ABR: variants seen among roughly 807,000 people sequenced by gnomAD.
The protein encoded by ABR is active breakpoint cluster region-related protein.
ABR carries 35 observed loss-of-function variants against 107.2 expected under a neutral mutation model. The observed-to-expected ratio is 0.33, with a 90% CI of 0.25 to 0.43. The LOEUF (loss-of-function observed/expected upper bound fraction) is 0.43. ABR is among the 20% of genes least tolerant of loss of function. The probability of loss-of-function intolerance (pLI) is 1.00; values close to 1 mark genes in which losing one functional copy is unlikely to be tolerated. For synonymous variants in ABR, 498 were observed against 462.0 expected (o/e 1.08, Z -1.00); for missense variants, 815 against 1,115.2 (o/e 0.73, Z 3.83).
chr17:1,164,656 G>T (rs967051787), intron 1 of ABR, among the ~76,000 whole-genome samples: 4 of 152,192 alleles, frequency 2.6e-5, no homozygotes, highest in South Asian at 4.1e-4. Context: ...CCTAAGTTTT[G>T]TATGGGATAT....
intron 1 of ABR, among the ~76,000 whole-genome samples, chr17:1,226,674 A>G (rs1209070915): frequency 1.4e-5 from 2 of 144,566 alleles, no homozygotes; most frequent in Admixed American, 6.9e-5. Flanking sequence ...ATGTGACAGT[A>G]TGCCATGTGT....
At chr17:1,190,996 G>A (rs1014963939), upstream of ABR, among the ~76,000 whole-genome samples, 4 of 152,344 alleles carry the variant, frequency 2.6e-5, no homozygotes, top group Non-Finnish European at 4.4e-5. Context: ...GACAGACAGG[G>A]CTTGGGCACG....
chr17:1,205,859 C>G (rs1387357602), intron 1 of ABR, among the ~76,000 whole-genome samples: 1 of 152,076 alleles, frequency 6.6e-6, no homozygotes, highest in Non-Finnish European at 1.5e-5. Context: ...AGGAGAATCA[C>G]TTGAACCAGG....
Position 1,083,637 on chromosome 17 carries a change from G to A in ABR, c.532-10C>T. The A allele has an allele frequency of 6.2e-7, 1 of 1,609,106 alleles. No individual in the cohort carries two copies. The highest frequency in any genetic ancestry group is 8.5e-7 in the Non-Finnish European group (1 of 1,175,586). On this transcript the variant is annotated splice_polypyrimidine_tract_variant and intron_variant, in intron 4 of 22. Transcript: ENST00000302538. ...CACCGAGCTGGCTGGCCTGCAGGGAGGAGTCAGGGAACAGAGGGAGAGGAG... is the reference window on the plus strand; with the variant it reads ...CACCGAGCTGGCTGGCCTGCAGGGAAGAGTCAGGGAACAGAGGGAGAGGAG...
At chr17:1,083,853 T>A in intron 4 of ABR, 1 of 509,922 alleles carries the variant, frequency 2.0e-6, no homozygotes, top group Non-Finnish European at 3.6e-6. Context: ...TGAGGGGGTC[T>A]GGGGTTGGGG....
intron 16 of ABR, among the ~76,000 whole-genome samples, chr17:1,044,037 G>A (rs1410574503): frequency 2.0e-5 from 3 of 152,246 alleles, no homozygotes; most frequent in Non-Finnish European, 4.4e-5. Flanking sequence ...CTCAGGCCCA[G>A]CCCGCCAAGA....
chr17:1,183,924 G>A (rs555762515), upstream of ABR, among the ~76,000 whole-genome samples: 5 of 152,258 alleles, frequency 3.3e-5, no homozygotes, highest in South Asian at 8.3e-4. Context: ...TTAAAAGCTG[G>A]GACTGGCCAG....
chr17:1,098,784 G>A (rs182814768), intron 3 of ABR, among the ~76,000 whole-genome samples: 25 of 152,268 alleles, frequency 1.6e-4, no homozygotes, highest in South Asian at 8.3e-4. Flanking sequence ...TCAGCCTGGC[G>A]TGTGGCAAAA....
At chr17:1,195,828 G>A (rs1283669400) in intron 1 of ABR, among the ~76,000 whole-genome samples, 5 of 146,788 alleles carry the variant, frequency 3.4e-5, no homozygotes, top group Non-Finnish European at 7.4e-5. Context: ...ATTGGCCGGC[G>A]CGGTGGCTCA....
intron 1 of ABR, among the ~76,000 whole-genome samples, chr17:1,147,561 A>G (rs1052447396): frequency 6.6e-6 from 1 of 151,998 alleles, no homozygotes; most frequent in Non-Finnish European, 1.5e-5. Flanking sequence ...GGATTTCCCA[A>G]TGTTGGCCAG....
intron 9 of ABR, among the ~76,000 whole-genome samples, chr17:1,067,726 G>A (rs1418278344): frequency 6.6e-6 from 1 of 152,184 alleles, no homozygotes; most frequent in Non-Finnish European, 1.5e-5. Context: ...CCACATCCAA[G>A]TCTAGCAAGA....
chr17:1,018,196 C>G (rs1040581571), intron 16 of ABR, among the ~76,000 whole-genome samples: 1 of 152,162 alleles, frequency 6.6e-6, no homozygotes. Flanking sequence ...GCGCCCGCCA[C>G]CACCCCCGGC....
intron 2 of ABR, among the ~76,000 whole-genome samples, chr17:1,123,499 G>A (rs2039443810): frequency 6.6e-6 from 1 of 152,208 alleles, no homozygotes; most frequent in Non-Finnish European, 1.5e-5. Flanking sequence ...GCACCTGCCA[G>A]CACCAAAGGA....
At chr17:1,208,534 C>T (rs182719328) in intron 1 of ABR, among the ~76,000 whole-genome samples, 10 of 152,308 alleles carry the variant, frequency 6.6e-5, no homozygotes, top group East Asian at 3.9e-4. Context: ...TCTCTGCTAA[C>T]GTCGCGGTAG....
intron 2 of ABR, among the ~76,000 whole-genome samples, chr17:1,103,077 G>A (rs745630150): frequency 2.6e-5 from 4 of 152,138 alleles, no homozygotes; most frequent in Admixed American, 6.6e-5. Flanking sequence ...AGTTTGTGGC[G>A]ATTTGTTTCA....
At chr17:1,048,819 G>A (rs2032063684) in intron 16 of ABR, among the ~76,000 whole-genome samples, 12 of 151,706 alleles carry the variant, frequency 7.9e-5, no homozygotes, top group Admixed American at 7.9e-4. Context: ...GCGCCCAGCT[G>A]TGCCTGGATC....
At chr17:1,036,615 C>A (rs979053045) in intron 16 of ABR, among the ~76,000 whole-genome samples, 3 of 152,020 alleles carry the variant, frequency 2.0e-5, no homozygotes, top group Non-Finnish European at 2.9e-5. Flanking sequence ...GACAAGCAGG[C>A]CGAGCATGGG....
intron 1 of ABR, among the ~76,000 whole-genome samples, chr17:1,203,436 A>AGTCTGAGGGGG: frequency 4.6e-5 from 1 of 21,626 alleles, no homozygotes; most frequent in South Asian, 1.3e-3. Context: ...GCCCGCGGGG[A>AGTCTGAGGGGG]CGGAGTCTGC....
intron 10 of ABR, among the ~76,000 whole-genome samples, chr17:1,060,433 T>C (rs1407516682): frequency 6.6e-6 from 1 of 151,986 alleles, no homozygotes; most frequent in African/African-American, 2.4e-5. Flanking sequence ...AAGAATCTGA[T>C]ACATCCAAAG....
Sources: gnomAD v4.1 joint callset for allele counts (sites outside exome capture counted in the v4.1 genomes callset) on GRCh38, gnomAD v4.1.1 for gene constraint, MANE v1.5 for transcripts, NCBI Gene and HGNC (gene_info 2026-07-23, HGNC 2026-07-21) for gene names.